The following DGKB variants were observed in gnomAD, a reference collection of about 807,000 sequenced individuals.
DGKB encodes diacylglycerol kinase beta, also known as 90 kDa diacylglycerol kinase.
DGKB carries 67 observed loss-of-function variants against 114.3 expected under a neutral mutation model. That is an observed-to-expected ratio of 0.59 (90% confidence interval 0.48 to 0.72). The LOEUF (loss-of-function observed/expected upper bound fraction) is 0.72, where lower values mean the gene tolerates loss of function less well. Among genes scored for constraint, DGKB ranks in the 30% least tolerant of loss-of-function variants. DGKB has a pLI of 0.00. For synonymous variants in DGKB, 398 were observed against 323.1 expected (o/e 1.23, Z -2.49); for missense variants, 907 against 975.2 (o/e 0.93, Z 0.93).
At chr7:14,489,866 C>T (rs557949442) in intron 20 of DGKB, among the ~76,000 whole-genome samples, 23 of 151,878 alleles carry the variant, frequency 1.5e-4, no homozygotes, top group Non-Finnish European at 3.1e-4. Context: ...CTCAAAGGCG[C>T]GGGAGGATAT....
intron 23 of DGKB, among the ~76,000 whole-genome samples, chr7:14,314,823 A>G (rs1313838154): frequency 2.0e-5 from 3 of 151,638 alleles, no homozygotes; most frequent in Admixed American, 1.3e-4. Flanking sequence ...TCCAAGACAC[A>G]TAATTGTCAG....
chr7:14,962,027 C>T (rs1356503089), intron 1 of DGKB, among the ~76,000 whole-genome samples: 4 of 152,000 alleles, frequency 2.6e-5, no homozygotes, highest in Admixed American at 6.6e-5. Flanking sequence ...GATATATTTA[C>T]GAATTCTTTA....
chr7:14,518,394 T>C (rs1048739127), intron 20 of DGKB, among the ~76,000 whole-genome samples: 2 of 151,890 alleles, frequency 1.3e-5, no homozygotes, highest in African/African-American at 4.8e-5. Flanking sequence ...AAATAATCTG[T>C]ATATCAAACC....
At chr7:14,508,547 T>C (rs1460100017) in intron 20 of DGKB, among the ~76,000 whole-genome samples, 5 of 152,124 alleles carry the variant, frequency 3.3e-5, no homozygotes. Context: ...TTTGAATATA[T>C]AGGTAGGATG....
chr7:14,627,140 T>C (rs2128831784), intron 14 of DGKB, among the ~76,000 whole-genome samples: 1 of 152,338 alleles, frequency 6.6e-6, no homozygotes, highest in East Asian at 1.9e-4. Context: ...GTATACTGCT[T>C]GGTCATAGCA....
intron 1 of DGKB, among the ~76,000 whole-genome samples, chr7:14,898,465 G>C (rs893878500): frequency 2.6e-5 from 4 of 152,058 alleles, no homozygotes; most frequent in African/African-American, 9.7e-5. Context: ...TATAAAACGG[G>C]AATGAGGATA....
intron 21 of DGKB, among the ~76,000 whole-genome samples, chr7:14,473,774 G>C (rs1365943426): frequency 6.6e-6 from 1 of 152,224 alleles, no homozygotes; most frequent in Non-Finnish European, 1.5e-5. Context: ...GTCAAAAGGA[G>C]ATCATTTTGG....
chr7:14,847,173 C>T (rs1848742189), intron 1 of DGKB, among the ~76,000 whole-genome samples: 1 of 151,910 alleles, frequency 6.6e-6, no homozygotes, highest in Admixed American at 6.6e-5. Context: ...CACCTGTAGT[C>T]CCAGCTACTC....
chr7:14,787,117 C>T (rs1840015703), intron 2 of DGKB, among the ~76,000 whole-genome samples: 1 of 152,170 alleles, frequency 6.6e-6, no homozygotes, highest in African/African-American at 2.4e-5. Context: ...CACCTCTTCA[C>T]CTTACTCACC....
At chr7:14,901,876 G>C (rs1783138285) in intron 1 of DGKB, among the ~76,000 whole-genome samples, 1 of 152,048 alleles carries the variant, frequency 6.6e-6, no homozygotes, top group African/African-American at 2.4e-5. Flanking sequence ...TTCATTTTCT[G>C]CCAGTGAACA....
intron 21 of DGKB, among the ~76,000 whole-genome samples, chr7:14,444,327 T>C (rs1006163422): frequency 1.1e-4 from 16 of 151,852 alleles, no homozygotes; most frequent in Admixed American, 7.2e-4. Flanking sequence ...TTTTATCTTA[T>C]TGATAATTGT....
At chr7:14,266,051 G>A (rs563147839) in intron 23 of DGKB, among the ~76,000 whole-genome samples, 2 of 152,150 alleles carry the variant, frequency 1.3e-5, no homozygotes, top group African/African-American at 4.8e-5. Flanking sequence ...GCATGTTAGT[G>A]CTACATAAAA....
intron 20 of DGKB, among the ~76,000 whole-genome samples, chr7:14,548,315 A>G (rs1794611117): frequency 6.6e-6 from 1 of 152,216 alleles, no homozygotes; most frequent in Non-Finnish European, 1.5e-5. Flanking sequence ...GGTGCAACTG[A>G]GAAACAATGT....
intron 20 of DGKB, among the ~76,000 whole-genome samples, chr7:14,542,028 T>G (rs112858031): frequency 2.1e-4 from 32 of 152,302 alleles, no homozygotes; most frequent in African/African-American, 7.0e-4. Flanking sequence ...TTTTGTCAAA[T>G]GTAAATAGAT....
chr7:14,470,280 T>C (rs1781088255), intron 21 of DGKB, among the ~76,000 whole-genome samples: 1 of 151,840 alleles, frequency 6.6e-6, no homozygotes, highest in Non-Finnish European at 1.5e-5. Flanking sequence ...ACATTTAACT[T>C]TTAATTTCAG....
At chr7:14,883,239 A>G (rs1189178469) in intron 1 of DGKB, among the ~76,000 whole-genome samples, 1 of 151,948 alleles carries the variant, frequency 6.6e-6, no homozygotes, top group Non-Finnish European at 1.5e-5. Flanking sequence ...ATATACATAT[A>G]TGTATACACA....
chr7:14,318,819 T>C (rs571022852), intron 23 of DGKB, among the ~76,000 whole-genome samples: 1 of 152,258 alleles, frequency 6.6e-6, no homozygotes, highest in South Asian at 2.1e-4. Context: ...ATCATGCTGC[T>C]AATAAAGCAC....
At chr7:14,153,193 T>C (rs1782483318) in intron 25 of DGKB, among the ~76,000 whole-genome samples, 1 of 152,098 alleles carries the variant, frequency 6.6e-6, no homozygotes, top group African/African-American at 2.4e-5. Context: ...TCGTTGGTGA[T>C]TTCTTTCTTG....
intron 1 of DGKB, among the ~76,000 whole-genome samples, chr7:14,859,803 A>G (rs1272076882): frequency 6.6e-6 from 1 of 152,108 alleles, no homozygotes; most frequent in Non-Finnish European, 1.5e-5. Context: ...TCTGAAATGC[A>G]TAACTCTGCG....
Sources: allele counts gnomAD v4.1 joint callset (sites outside exome capture counted in the v4.1 genomes callset), GRCh38; gene constraint gnomAD v4.1.1; transcripts MANE v1.5; gene names NCBI Gene and HGNC (gene_info 2026-07-23, HGNC 2026-07-21).